The following RABGAP1L variants were observed in gnomAD, a reference collection of about 807,000 sequenced individuals.
RABGAP1L encodes the protein rab GTPase-activating protein 1-like.
RABGAP1L carries 63 observed loss-of-function variants against 137.7 expected under a neutral mutation model. The ratio of observed to expected loss-of-function variants is 0.46; its 90% confidence interval spans 0.37 to 0.56. RABGAP1L has a LOEUF of 0.56. Among genes scored for constraint, RABGAP1L ranks in the 20% least tolerant of loss-of-function variants. The pLI is 0.00. For missense variants in RABGAP1L, 1,095 were observed against 1,244.0 expected, an observed-to-expected ratio of 0.88 and a Z score of 1.80; for synonymous variants, 431 against 433.7, an observed-to-expected ratio of 0.99 and a Z score of 0.08.
At chr1:174,263,712 T>A (rs1673792379) in intron 7 of RABGAP1L, among the ~76,000 whole-genome samples, 1 of 147,282 alleles carries the variant, frequency 6.8e-6, no homozygotes, top group Non-Finnish European at 1.5e-5. Context: ...TTTATTTACT[T>A]TTTTTTTTTT....
chr1:174,405,494 C>T (rs1340502351), intron 13 of RABGAP1L, among the ~76,000 whole-genome samples: 1 of 152,064 alleles, frequency 6.6e-6, no homozygotes, highest in African/African-American at 2.4e-5. Flanking sequence ...TTATAAAAAC[C>T]ACAGGCTGTT....
intron 12 of RABGAP1L, among the ~76,000 whole-genome samples, chr1:174,384,245 G>T (rs1409863531): frequency 6.6e-6 from 1 of 152,202 alleles, no homozygotes; most frequent in Admixed American, 6.5e-5. Flanking sequence ...TAGGAAGCAT[G>T]TCAGTAGTTG....
At chr1:174,890,267 G>A (rs550021971) in intron 19 of RABGAP1L, among the ~76,000 whole-genome samples, 1 of 152,288 alleles carries the variant, frequency 6.6e-6, no homozygotes, top group African/African-American at 2.4e-5. Flanking sequence ...TGTAGGTGCT[G>A]TTTGTCCTAT....
At chr1:174,331,486 G>C (rs1407274790) in intron 11 of RABGAP1L, among the ~76,000 whole-genome samples, 1 of 152,142 alleles carries the variant, frequency 6.6e-6, no homozygotes, top group Non-Finnish European at 1.5e-5. Flanking sequence ...GATCTGAATA[G>C]ATATTTCTCC....
chr1:174,881,222 G>C (rs537327796), intron 19 of RABGAP1L, among the ~76,000 whole-genome samples: 1 of 152,208 alleles, frequency 6.6e-6, no homozygotes, highest in African/African-American at 2.4e-5. Context: ...GCACCAAAGG[G>C]AATTCCCACT....
At chr1:174,781,573 A>C (rs566470938) in intron 18 of RABGAP1L, among the ~76,000 whole-genome samples, 31 of 152,318 alleles carry the variant, frequency 2.0e-4, no homozygotes, top group Admixed American at 1.8e-3. Context: ...TAGTTTAATT[A>C]GATCCCATCT....
chr1:174,576,102 T>A (rs998484215), intron 13 of RABGAP1L, among the ~76,000 whole-genome samples: 14 of 152,150 alleles, frequency 9.2e-5, no homozygotes, highest in Non-Finnish European at 2.9e-5. Context: ...TAACCTATGA[T>A]CAGCAAGATA....
intron 13 of RABGAP1L, among the ~76,000 whole-genome samples, chr1:174,551,662 CATAA>C (rs980830359): frequency 1.3e-5 from 2 of 150,910 alleles, no homozygotes; most frequent in Non-Finnish European, 3.0e-5. Context: ...CCGAAGTAAG[CATAA>C]ATAAATAAAT....
At chr1:174,686,779 C>G (rs1416674071) in intron 15 of RABGAP1L, among the ~76,000 whole-genome samples, 3 of 150,916 alleles carry the variant, frequency 2.0e-5, no homozygotes, top group African/African-American at 4.9e-5. Context: ...GCCCCAGCCT[C>G]CAGAGTAGTG....
At chr1:174,523,898 T>C (rs1663647512) in intron 13 of RABGAP1L, among the ~76,000 whole-genome samples, 1 of 152,218 alleles carries the variant, frequency 6.6e-6, no homozygotes, top group African/African-American at 2.4e-5. Flanking sequence ...TTTATCTTTC[T>C]CTACCTGGGT....
chr1:174,378,299 C>T (rs1426987822), intron 12 of RABGAP1L, among the ~76,000 whole-genome samples: 4 of 151,524 alleles, frequency 2.6e-5, no homozygotes, highest in African/African-American at 7.3e-5. Context: ...GGGTATATAC[C>T]GAGTAATGGG....
intron 13 of RABGAP1L, among the ~76,000 whole-genome samples, chr1:174,619,149 C>CAAAT (rs1672198925): frequency 6.6e-6 from 1 of 152,084 alleles, no homozygotes; most frequent in South Asian, 2.1e-4. Flanking sequence ...GTGAAACGAC[C>CAAAT]AAATCTACGT....
intron 19 of RABGAP1L, among the ~76,000 whole-genome samples, chr1:174,813,706 ATTGT>A (rs1373773304): frequency 6.6e-6 from 1 of 152,162 alleles, no homozygotes; most frequent in South Asian, 2.1e-4. Context: ...TTCACGACTG[ATTGT>A]TTTATTTGGC....
intron 7 of RABGAP1L, among the ~76,000 whole-genome samples, chr1:174,257,431 G>T (rs533728611): frequency 7.9e-5 from 12 of 152,250 alleles, no homozygotes; most frequent in Non-Finnish European, 1.2e-4. Flanking sequence ...ATAGTTGAAT[G>T]CCTAATTATA....
At chr1:174,799,960 ACACACACACACACACACACT>A (rs1688594734) in intron 18 of RABGAP1L, 1 of 429,726 alleles carries the variant, frequency 2.3e-6, no homozygotes, top group Non-Finnish European at 2.9e-6. Flanking sequence ...ACACACACAC[ACACACACACACACACACACT>A]CTCACACATT....
intron 13 of RABGAP1L, among the ~76,000 whole-genome samples, chr1:174,562,520 A>T (rs895495858): frequency 2.0e-5 from 3 of 152,198 alleles, no homozygotes; most frequent in African/African-American, 7.2e-5. Context: ...TACCCAAAGG[A>T]TTATCAGTCA....
At chr1:174,959,115 A>T (rs559160185) in intron 20 of RABGAP1L, among the ~76,000 whole-genome samples, 2 of 152,328 alleles carry the variant, frequency 1.3e-5, no homozygotes, top group East Asian at 3.9e-4. Flanking sequence ...GTGGTTCAAG[A>T]TCTGATTATA....
intron 14 of RABGAP1L, among the ~76,000 whole-genome samples, chr1:174,639,312 C>T (rs1248011134): frequency 6.6e-6 from 1 of 151,934 alleles, no homozygotes; most frequent in East Asian, 1.9e-4. Context: ...GTATACTGAT[C>T]TTTAGAAAGT....
At chr1:174,162,685 T>C (rs1236970735) in intron 1 of RABGAP1L, among the ~76,000 whole-genome samples, 5 of 151,572 alleles carry the variant, frequency 3.3e-5, no homozygotes, top group South Asian at 4.2e-4. Context: ...TCTTGACTTA[T>C]ATAAATGGGT....
Sources: gnomAD v4.1 joint callset for allele counts (sites outside exome capture counted in the v4.1 genomes callset) on GRCh38, gnomAD v4.1.1 for gene constraint, MANE v1.5 for transcripts, NCBI Gene and HGNC (gene_info 2026-07-23, HGNC 2026-07-21) for gene names.